Variants in LMTK2 observed in about 807,000 individuals in gnomAD.
LMTK2 encodes serine/threonine-protein kinase LMTK2.
LMTK2 carries 37 observed loss-of-function variants against 127.5 expected under a neutral mutation model. That is an observed-to-expected ratio of 0.29 (90% CI 0.22 to 0.38). The LOEUF (loss-of-function observed/expected upper bound fraction) is 0.38, where lower values mean the gene tolerates loss of function less well. LMTK2 is among the 10% of genes least tolerant of loss of function. The probability of loss-of-function intolerance (pLI) is 1.00; values close to 1 mark genes in which losing one functional copy is unlikely to be tolerated. For missense variants in LMTK2, 1,694 were observed against 1,920.3 expected (o/e 0.88, Z 2.20); for synonymous variants, 819 against 810.1 (o/e 1.01, Z -0.19).
chr7:98,115,244 G>A (rs540005648), intron 1 of LMTK2, among the ~76,000 whole-genome samples: 5 of 151,862 alleles, frequency 3.3e-5, no homozygotes, highest in South Asian at 4.2e-4. Flanking sequence ...GAGAAACCCC[G>A]TCTATACTAA....
intron 3 of LMTK2, among the ~76,000 whole-genome samples, chr7:98,145,980 T>G (rs1796767617): frequency 6.6e-6 from 1 of 152,210 alleles, no homozygotes; most frequent in South Asian, 2.1e-4. Flanking sequence ...GAGTTAATTG[T>G]TTTATATGGT....
intron 2 of LMTK2, among the ~76,000 whole-genome samples, chr7:98,137,982 G>T (rs1796618547): frequency 6.6e-6 from 1 of 152,186 alleles, no homozygotes; most frequent in Non-Finnish European, 1.5e-5. Context: ...GAAACCTCAA[G>T]TTCCCTAACA....
intron 4 of LMTK2, among the ~76,000 whole-genome samples, chr7:98,152,120 C>T (rs1188629551): frequency 6.6e-6 from 1 of 152,150 alleles, no homozygotes; most frequent in African/African-American, 2.4e-5. Context: ...CCTTATAGCA[C>T]TTAAGCCACT....
intron 2 of LMTK2, among the ~76,000 whole-genome samples, chr7:98,139,724 T>G (rs1796649168): frequency 6.6e-6 from 1 of 152,222 alleles, no homozygotes; most frequent in East Asian, 1.9e-4. Flanking sequence ...GAGAATAATG[T>G]CTTCTCACAC....
intron 7 of LMTK2, among the ~76,000 whole-genome samples, chr7:98,173,824 AG>A (rs1309043013): frequency 6.6e-6 from 1 of 152,212 alleles, no homozygotes; most frequent in Non-Finnish European, 1.5e-5. Flanking sequence ...TGGGAGGCCG[AG>A]GCAGGCGGAT....
intron 1 of LMTK2, among the ~76,000 whole-genome samples, chr7:98,134,030 A>C (rs890352810): frequency 6.6e-6 from 1 of 152,200 alleles, no homozygotes; most frequent in Non-Finnish European, 1.5e-5. Flanking sequence ...GGCTGTTTTT[A>C]AGTGTTAAAG....
intron 4 of LMTK2, 59 bp from the exon 5 acceptor site, chr7:98,154,699 C>A: frequency 1.9e-6 from 2 of 1,072,786 alleles, no homozygotes; most frequent in East Asian, 2.4e-5. Context: ...CCGGTAAATG[C>A]AGCAGACTCC....
chr7:98,192,163 T>C lies in LMTK2; in HGVS notation c.1698T>C (p.Asp566=). 1.3e-6 allele frequency: 2 copies of C among 1,529,058 alleles called. No homozygotes were observed. Among genetic ancestry groups the C allele is most frequent in the Non-Finnish European group, 1.8e-6 (2 of 1,140,954 alleles). The allele number at this position is 1,529,058 out of a possible 1,614,324, so 94.7% of individuals were successfully genotyped here. Residue 566 remains aspartate, a synonymous_variant, in exon 11 of 14, where the codon GAT becomes GAC. Coordinates refer to ENST00000297293, the MANE Select transcript of LMTK2 (RefSeq NM_014916.4). ...AAAGTGGTAGTAACTTGGAGCTTGA[T>C]TACCCACCAGCGCTGCTCACAACCG... ...EEKSGSNLEL[D]YPPALLTTDM...
intron 6 of LMTK2, 44 bp downstream of exon 6, chr7:98,159,469 G>A (rs371301940): frequency 3.0e-5 from 40 of 1,319,350 alleles, no homozygotes; most frequent in Non-Finnish European, 4.2e-5. Flanking sequence ...TCCAGAGGTT[G>A]TATTCAAGTG....
chr7:98,142,260 A>G (rs1796709706), intron 3 of LMTK2, among the ~76,000 whole-genome samples: 1 of 152,242 alleles, frequency 6.6e-6, no homozygotes, highest in Non-Finnish European at 1.5e-5. Flanking sequence ...GGTGTGACAC[A>G]CGCTGTGGGC....
intron 11 of LMTK2, among the ~76,000 whole-genome samples, chr7:98,197,757 G>A (rs1449415421): frequency 6.6e-6 from 1 of 152,184 alleles, no homozygotes; most frequent in Non-Finnish European, 1.5e-5. Flanking sequence ...CAGGAGGATC[G>A]CTTAAACCCA....
chr7:98,147,806 G>C (rs1165487961), intron 3 of LMTK2, among the ~76,000 whole-genome samples: 1 of 152,140 alleles, frequency 6.6e-6, no homozygotes, highest in Non-Finnish European at 1.5e-5. Flanking sequence ...GCTTCTTCTA[G>C]AATTTCTAGA....
At position 98,186,235 on chromosome 7, in the gene LMTK2, T is replaced by C. The variant is rs535006224; in HGVS notation, c.877-642T>C. 5.3e-5 allele frequency among the ~76,000 whole-genome samples: 8 copies of C among 152,250 alleles called. No homozygotes were observed. In the South Asian group the frequency reaches 1.7e-3, roughly 32 times the overall value. ...CCCTCCACCACGCCCAGCTAATTTT[T>C]GTATTTTTAGTGGAGACGGGTTTCA... On this transcript the variant is annotated intron_variant, in intron 8 of 13. Coordinates refer to ENST00000297293, the MANE Select transcript of LMTK2 (RefSeq NM_014916.4).
chr7:98,170,931 G>C (rs1263784898), intron 6 of LMTK2, among the ~76,000 whole-genome samples: 2 of 152,162 alleles, frequency 1.3e-5, no homozygotes, highest in African/African-American at 2.4e-5. Context: ...TGAAGAGTAG[G>C]CTTGTTAACG....
At chr7:98,147,939 C>T (rs1050480406) in intron 3 of LMTK2, among the ~76,000 whole-genome samples, 10 of 152,082 alleles carry the variant, frequency 6.6e-5, no homozygotes, top group South Asian at 6.2e-4. Flanking sequence ...CTAGGCCGGG[C>T]GTGGTGGCTC....
chr7:98,130,712 G>A (rs1584252088), intron 1 of LMTK2, among the ~76,000 whole-genome samples: 1 of 152,170 alleles, frequency 6.6e-6, no homozygotes, highest in East Asian at 1.9e-4. Context: ...TAGGGAAAAG[G>A]CAGCCAGCTG....
rs147007139 is a variant in LMTK2, at chr7:98,194,191, G to A, written c.3726G>A (p.Ala1242=). The stretch of plus-strand genomic sequence containing the variant: ...AACTCCTTGCCTACACCAATTCTGC[G>A]CTGGACAAGTCCCTGTCCAGCCACT... ...TNELLAYTNS[A]LDKSLSSHSE... Residue 1242 remains alanine, a synonymous_variant, in exon 11 of 14, where the codon GCG becomes GCA. Coordinates refer to ENST00000297293, the MANE Select transcript of LMTK2 (RefSeq NM_014916.4). This position sits in a 1 kb window ranked among gnomAD's most constrained non-coding sequence, Gnocchi z 5.4. 1.6e-5 allele frequency: 26 copies of A among 1,613,834 alleles called. 1 individual carries two copies. Among genetic ancestry groups the A allele is most frequent in the Middle Eastern group, 1.6e-4 (1 of 6,084 alleles).
At position 98,113,453 on chromosome 7, in the gene LMTK2, G is replaced by A. The variant is rs530195027; in HGVS notation, c.103+6173G>A. 6.6e-5 allele frequency among the ~76,000 whole-genome samples: 10 copies of A among 151,874 alleles called. No homozygotes were observed. In the South Asian group the frequency reaches 1.0e-3, roughly 16 times the overall value. ...GTAAGAATGGACTAATACAGCTGGC[G>A]TCTCACTGTGTTGCCCAGGCTGGTC... is the stretch of plus-strand genomic sequence containing the variant. On this transcript the variant is annotated intron_variant, in intron 1 of 13. Coordinates refer to ENST00000297293, the MANE Select transcript of LMTK2 (RefSeq NM_014916.4).
At chr7:98,185,376 C>T (rs1269814608) in intron 8 of LMTK2, among the ~76,000 whole-genome samples, 1 of 152,172 alleles carries the variant, frequency 6.6e-6, no homozygotes, top group Non-Finnish European at 1.5e-5. Flanking sequence ...TTTATAAACA[C>T]TGTAAATGAT....
Sources: gnomAD v4.1 joint callset for allele counts (sites outside exome capture counted in the v4.1 genomes callset) on GRCh38, gnomAD v4.1.1 for gene constraint, Gnocchi (gnomAD v3.1) non-coding constraint, MANE v1.5 for transcripts, NCBI Gene and HGNC (gene_info 2026-07-23, HGNC 2026-07-21) for gene names.